The following TMOD1 variants were observed in gnomAD, a reference collection of about 807,000 sequenced individuals.
The protein encoded by TMOD1 is tropomodulin-1.
In TMOD1, 17 loss-of-function variants were observed where a neutral mutation model predicts 40.6. The ratio of observed to expected loss-of-function variants is 0.42; its 90% CI spans 0.29 to 0.63. TMOD1 has a LOEUF of 0.63. Among genes scored for constraint, TMOD1 ranks in the 20% least tolerant of loss-of-function variants. The pLI, the probability that TMOD1 is intolerant of heterozygous loss-of-function variation, is 0.22. For missense variants in TMOD1, 391 were observed against 447.6 expected (o/e 0.87, Z 1.14); for synonymous variants, 181 against 175.0 (o/e 1.03, Z -0.27).
chr9:97,521,112 C>T (rs1829908494), intron 1 of TMOD1, among the ~76,000 whole-genome samples: 1 of 152,124 alleles, frequency 6.6e-6, no homozygotes. Flanking sequence ...TCCTTGTGTC[C>T]CTTCTTGTGT....
Position 97,568,887 on chromosome 9 carries a change from C to T in TMOD1, c.727-7C>T. 6.2e-7 allele frequency: 1 copy of T among 1,613,652 alleles called. No individual in the cohort carries two copies. On this transcript the variant is annotated splice_region_variant and splice_polypyrimidine_tract_variant and intron_variant, in intron 7 of 9. Transcript: ENST00000259365. ...ATGGGTATCCTTGCTTTCTCTTGTG[C>T]TTCAAGGCCCTTGCTGAGATGCTCA...
intron 9 of TMOD1, among the ~76,000 whole-genome samples, chr9:97,594,688 C>T (rs574684892): frequency 6.6e-6 from 1 of 152,338 alleles, no homozygotes; most frequent in East Asian, 1.9e-4. Flanking sequence ...CTGACCAGTG[C>T]GTCTTCGGTC....
rs1350055924 is a variant in TMOD1 at position 97,524,266 on chromosome 9, G to A, written c.78G>A (p.Glu26=). The stretch of plus-strand genomic sequence containing the variant: ...TCCTTGGAGCCCTAACAGAGGAAGA[G>A]CTGAGGACCCTGGAAAATGAGCTGG... ...DEILGALTEE[E]LRTLENELDE... The change falls in exon 2 of 10, where the codon GAG becomes GAA. Residue 26 remains glutamate (E), a synonymous_variant. Transcript: ENST00000259365. 2 of 1,614,058 alleles carry A rather than the reference G, an allele frequency of 1.2e-6. No homozygotes were observed. Among genetic ancestry groups the A allele is most frequent in the Admixed American group, 3.3e-5 (2 of 59,996 alleles).
At chr9:97,559,794 A>AATATAT (rs1193457397) in intron 4 of TMOD1, among the ~76,000 whole-genome samples, 879 of 22,960 alleles carry the variant, frequency 0.038, 32 homozygotes, top group Non-Finnish European at 0.053. Context: ...AAAAAAAAAA[A>AATATAT]ATATATATAT....
At chr9:97,504,409 C>A (rs551585385) in intron 1 of TMOD1, among the ~76,000 whole-genome samples, 94 of 152,118 alleles carry the variant, frequency 6.2e-4, no homozygotes, top group African/African-American at 2.0e-3. Flanking sequence ...GGGAAGGTAG[C>A]AGGAACTGAG....
chr9:97,533,011 G>T (rs758420604), intron 2 of TMOD1, among the ~76,000 whole-genome samples: 7 of 152,218 alleles, frequency 4.6e-5, no homozygotes, highest in African/African-American at 7.2e-5. Context: ...AGCATTTTCA[G>T]CTCCACTAAT....
chr9:97,555,474 G>C, intron 4 of TMOD1: 1 of 1,434,556 alleles, frequency 7.0e-7, no homozygotes, highest in Non-Finnish European at 9.1e-7. Flanking sequence ...ACGTTTCTGT[G>C]TGGCTTTCTT....
At chr9:97,541,173 A>G (rs1830270184) in intron 2 of TMOD1, among the ~76,000 whole-genome samples, 1 of 152,066 alleles carries the variant, frequency 6.6e-6, no homozygotes, top group Non-Finnish European at 1.5e-5. Flanking sequence ...TCACTTGCCC[A>G]TTTTAAAAAA....
rs763613692 is a variant in TMOD1, at chr9:97,553,322, C to A, written c.319C>A (p.Leu107Met). The change falls in exon 4 of 10, where the codon CTG becomes ATG. Residue 107 changes from leucine (L) to methionine (M), a missense_variant. Physicochemically the swap from Leu to Met is conservative, Grantham distance 15 (BLOSUM62 2). Coordinates refer to ENST00000259365, the MANE Select transcript of TMOD1 (RefSeq NM_003275.4). ...TAAGCAGAAGCCACTGGATCCTGTGCTGGAAAGTGTGACGCTGGAACCGGA... is the reference window on the plus strand; with the variant it reads ...TAAGCAGAAGCCACTGGATCCTGTGATGGAAAGTGTGACGCTGGAACCGGA... ...VPKQKPLDPV[L>M]ESVTLEPELE... 20 of 1,614,096 alleles carry A rather than the reference C, an allele frequency of 1.2e-5. No homozygotes were observed. The South Asian group carries it at 2.2e-4, about 18-fold the overall frequency.
At chr9:97,545,397 T>C (rs939812422) in intron 2 of TMOD1, among the ~76,000 whole-genome samples, 3 of 152,158 alleles carry the variant, frequency 2.0e-5, no homozygotes, top group Non-Finnish European at 4.4e-5. Flanking sequence ...ATCCCCCCAA[T>C]AGGAATCTGC....
intron 8 of TMOD1, among the ~76,000 whole-genome samples, chr9:97,587,375 C>T (rs77886310): frequency 6.6e-4 from 100 of 152,258 alleles, no homozygotes; most frequent in African/African-American, 2.4e-3. Context: ...ACATTCTCAC[C>T]AACGTTTGGT....
At chr9:97,516,178 GA>G (rs1335982775) in intron 1 of TMOD1, 1 of 152,240 alleles carries the variant, frequency 6.6e-6, no homozygotes, top group Admixed American at 6.5e-5. Flanking sequence ...CTGTATCCCT[GA>G]CTGACAATTC....
At chr9:97,509,836 T>C (rs140372497) in intron 1 of TMOD1, among the ~76,000 whole-genome samples, 1 of 152,344 alleles carries the variant, frequency 6.6e-6, no homozygotes, top group East Asian at 1.9e-4. Flanking sequence ...ATAGAACTGA[T>C]ATCTCCTTCC....
chr9:97,549,804 G>A (rs1272530592), intron 3 of TMOD1, among the ~76,000 whole-genome samples: 1 of 151,968 alleles, frequency 6.6e-6, no homozygotes, highest in Non-Finnish European at 1.5e-5. Flanking sequence ...CCCTGGTATT[G>A]CACCCACACC....
At chr9:97,552,521 A>G (rs1830470197) in intron 3 of TMOD1, among the ~76,000 whole-genome samples, 1 of 152,216 alleles carries the variant, frequency 6.6e-6, no homozygotes, top group Non-Finnish European at 1.5e-5. Context: ...CCTAGCCCCC[A>G]GAAAGGTGCC....
chr9:97,570,755 T>C (rs778746521), intron 8 of TMOD1, among the ~76,000 whole-genome samples: 20 of 152,314 alleles, frequency 1.3e-4, no homozygotes, highest in Non-Finnish European at 2.4e-4. Context: ...AAGTTTGCCC[T>C]GGATGGTCGT....
intron 2 of TMOD1, among the ~76,000 whole-genome samples, chr9:97,532,505 A>T (rs1830118782): frequency 6.6e-6 from 1 of 152,174 alleles, no homozygotes; most frequent in African/African-American, 2.4e-5. Flanking sequence ...TGATTTTGAC[A>T]TGTTGAATAG....
chr9:97,573,830 C>T (rs1390638331), intron 8 of TMOD1, among the ~76,000 whole-genome samples: 1 of 152,152 alleles, frequency 6.6e-6, no homozygotes, highest in East Asian at 1.9e-4. Flanking sequence ...TATGACCCAG[C>T]CTCGGAAGTT....
At chr9:97,591,195 A>G (rs1825992484) in intron 8 of TMOD1, 96 bp from the exon 9 acceptor site, 6 of 1,320,880 alleles carry the variant, frequency 4.5e-6, no homozygotes, top group South Asian at 1.5e-5. Context: ...CCCTCCCACT[A>G]CTCAAGAGTT....
Sources: allele counts gnomAD v4.1 joint callset (sites outside exome capture counted in the v4.1 genomes callset), GRCh38; gene constraint gnomAD v4.1.1; transcripts MANE v1.5; gene names NCBI Gene and HGNC (gene_info 2026-07-23, HGNC 2026-07-21).